The following CLIC5 variants were observed in gnomAD, a reference collection of about 807,000 sequenced individuals.
The protein encoded by CLIC5 is CLIC family member 5.
A neutral mutation model predicts 24.7 loss-of-function variants in CLIC5; 20 were observed. That is an observed-to-expected ratio of 0.81 (90% confidence interval 0.57 to 1.18). CLIC5 has a LOEUF of 1.18. Ranked by LOEUF, CLIC5 falls within the 50% of genes most tolerant of loss-of-function variation. The pLI is 0.00. For missense variants in CLIC5, 341 were observed against 326.1 expected (o/e 1.05, Z -0.35); for synonymous variants, 159 against 135.6 (o/e 1.17, Z -1.20).
upstream of CLIC5, among the ~76,000 whole-genome samples, chr6:46,085,297 C>CT (rs1340957229): frequency 5.3e-5 from 8 of 152,222 alleles, no homozygotes; most frequent in Non-Finnish European, 1.2e-4. Flanking sequence ...CTCCGTCCAG[C>CT]TTTTTTCCAT....
At chr6:45,912,537 C>A in intron 5 of CLIC5, 2 of 1,380,262 alleles carry the variant, frequency 1.4e-6, no homozygotes, top group East Asian at 2.7e-5. Context: ...GAAAAGAAGG[C>A]AAGAAGGAAT....
At chr6:46,047,477 G>A (rs903225416) in intron 1 of CLIC5, among the ~76,000 whole-genome samples, 1 of 152,190 alleles carries the variant, frequency 6.6e-6, no homozygotes, top group African/African-American at 2.4e-5. Flanking sequence ...TAGTCTGTGG[G>A]AAGTTCTCCC....
At chr6:46,120,056 T>A in the CLIC5 span, among the ~76,000 whole-genome samples, 450 of 152,278 alleles carry the variant, frequency 3.0e-3, no homozygotes, top group African/African-American at 9.7e-3. Context: ...GACTTAAATG[T>A]CCCTGTCTAA....
chr6:46,018,184 T>C (rs369492168), upstream of CLIC5, among the ~76,000 whole-genome samples: 72 of 152,344 alleles, frequency 4.7e-4, 2 homozygotes, highest in South Asian at 0.013. Context: ...AATGTGGCAG[T>C]AGCAAATAAA....
At chr6:46,065,684 C>T (rs1056473858) in intron 1 of CLIC5, among the ~76,000 whole-genome samples, 5 of 152,104 alleles carry the variant, frequency 3.3e-5, no homozygotes, top group African/African-American at 1.2e-4. Context: ...AGAGTTTAAG[C>T]CTATTTATAC....
chr6:46,018,244 T>C (rs1767077243), upstream of CLIC5, among the ~76,000 whole-genome samples: 1 of 152,212 alleles, frequency 6.6e-6, no homozygotes, highest in South Asian at 2.1e-4. Context: ...GTTTTTTGTT[T>C]TAATGAAAAA....
the CLIC5 span, chr6:46,102,448 TTTATACA>T: frequency 3.9e-5 from 6 of 152,200 alleles, no homozygotes; most frequent in Non-Finnish European, 7.3e-5. Context: ...ATGTCCAACT[TTTATACA>T]GAAAGGCAAA....
chr6:45,927,170 T>G (rs574610316), intron 4 of CLIC5, among the ~76,000 whole-genome samples: 25 of 151,962 alleles, frequency 1.6e-4, no homozygotes, highest in Non-Finnish European at 2.9e-4. Flanking sequence ...ATACTTTTTT[T>G]TCTCTCATTT....
At chr6:45,884,003 T>G (rs1762283273) in intron 6 of CLIC5, among the ~76,000 whole-genome samples, 1 of 152,192 alleles carries the variant, frequency 6.6e-6, no homozygotes, top group Non-Finnish European at 1.5e-5. Flanking sequence ...AAGGGTTTAT[T>G]TCAGCAAGTA....
At chr6:45,994,052 G>T (rs1240829477) in intron 1 of CLIC5, among the ~76,000 whole-genome samples, 1 of 152,056 alleles carries the variant, frequency 6.6e-6, no homozygotes, top group Non-Finnish European at 1.5e-5. Flanking sequence ...ACATAAATAA[G>T]TTGAATTATT....
chr6:45,908,742 A>T (rs754384612), intron 5 of CLIC5, among the ~76,000 whole-genome samples: 22 of 152,126 alleles, frequency 1.4e-4, no homozygotes, highest in African/African-American at 1.9e-4. Context: ...AGGAATGTAT[A>T]TTCTATGGTC....
intron 1 of CLIC5, among the ~76,000 whole-genome samples, chr6:45,996,655 A>G (rs1207141071): frequency 6.6e-6 from 1 of 152,194 alleles, no homozygotes; most frequent in Non-Finnish European, 1.5e-5. Context: ...ACAAATTTAC[A>G]GGAAAAAAAC....
the CLIC5 span, among the ~76,000 whole-genome samples, chr6:46,113,706 C>A: frequency 2.6e-5 from 4 of 152,040 alleles, no homozygotes; most frequent in African/African-American, 9.7e-5. Flanking sequence ...AAGTCCTCAC[C>A]CCTAGTACCT....
At chr6:45,947,396 G>A (rs1764323930) in intron 3 of CLIC5, among the ~76,000 whole-genome samples, 1 of 152,172 alleles carries the variant, frequency 6.6e-6, no homozygotes, top group South Asian at 2.1e-4. Context: ...GCAGAGAAGA[G>A]ACTGGTTCAA....
chr6:46,017,713 T>C (rs1767058740), upstream of CLIC5, among the ~76,000 whole-genome samples: 2 of 152,194 alleles, frequency 1.3e-5, no homozygotes, highest in Admixed American at 6.5e-5. Context: ...ATACAAGCTG[T>C]CACGTAAAGA....
At chr6:46,090,336 C>G in the CLIC5 span, among the ~76,000 whole-genome samples, 6 of 151,772 alleles carry the variant, frequency 4.0e-5, no homozygotes, top group East Asian at 1.9e-4. Context: ...CCGACCCCAA[C>G]GCCTCCTCCA....
chr6:46,106,621 G>A, the CLIC5 span, among the ~76,000 whole-genome samples: 1 of 152,128 alleles, frequency 6.6e-6, no homozygotes, highest in Non-Finnish European at 1.5e-5. Context: ...TGACTTTCTG[G>A]TGTTTAGCTG....
intron 1 of CLIC5, among the ~76,000 whole-genome samples, chr6:45,973,786 TG>T (rs1163609916): frequency 6.6e-6 from 1 of 151,990 alleles, no homozygotes; most frequent in African/African-American, 2.4e-5. Context: ...AAAAATTAGC[TG>T]GGGGTGGTGG....
chr6:45,974,155 A>AT (rs1765297780), intron 1 of CLIC5, among the ~76,000 whole-genome samples: 4 of 151,800 alleles, frequency 2.6e-5, no homozygotes, highest in African/African-American at 4.8e-5. Context: ...GAGAGAGGAG[A>AT]AATATATATA....
Sources: gnomAD v4.1 joint callset for allele counts (sites outside exome capture counted in the v4.1 genomes callset) on GRCh38, gnomAD v4.1.1 for gene constraint, MANE v1.5 for transcripts, NCBI Gene and HGNC (gene_info 2026-07-23, HGNC 2026-07-21) for gene names.